The following SRD5A2 variants were observed in gnomAD, a reference collection of about 807,000 sequenced individuals.
The protein encoded by SRD5A2 is steroid 5 alpha-reductase 2, also known as 3-oxo-5-alpha-steroid 4-dehydrogenase 2.
A neutral mutation model predicts 27.4 loss-of-function variants in SRD5A2; 30 were observed. That is an observed-to-expected ratio of 1.10 (90% confidence interval 0.82 to 1.49). The LOEUF is 1.49. Among genes scored for constraint, SRD5A2 ranks in the 40% most tolerant of loss-of-function variants. The pLI is 0.00. For missense variants in SRD5A2, 348 were observed against 323.4 expected, an observed-to-expected ratio of 1.08 and a Z score of -0.58; for synonymous variants, 141 against 133.6, an observed-to-expected ratio of 1.06 and a Z score of -0.38.
At chr2:31,659,718 G>A in the SRD5A2 span, among the ~76,000 whole-genome samples, 1 of 152,016 alleles carries the variant, frequency 6.6e-6, no homozygotes, top group African/African-American at 2.4e-5. Context: ...CCACATTCAT[G>A]GATAGGAAGA....
rs1665695640 is a variant in SRD5A2, at chr2:31,523,166, C to T, written c.*3030G>A. Reference sequence around the variant, plus strand: ...AAACCTTTTTTCCATGCTGAACACACATGTTGTCTTGACTACACCAATGAG... The same window carrying T: ...AAACCTTTTTTCCATGCTGAACACATATGTTGTCTTGACTACACCAATGAG... On this transcript the variant is annotated 3_prime_UTR_variant, in exon 5 of 5. Coordinates refer to ENST00000622030, the MANE Select transcript of SRD5A2 (RefSeq NM_000348.4). 4 of 215,968 alleles carry T rather than the reference C, an allele frequency of 1.9e-5. No individual in the cohort carries two copies. Among genetic ancestry groups the T allele is most frequent in the Non-Finnish European group, 3.7e-5 (4 of 107,194 alleles). 13.4% of individuals were successfully genotyped at this position (215,968 alleles called of 1,614,324 possible).
the SRD5A2 span, among the ~76,000 whole-genome samples, chr2:31,602,177 CA>C: frequency 6.6e-6 from 1 of 152,010 alleles, no homozygotes; most frequent in African/African-American, 2.4e-5. Context: ...TGTCTCAGCC[CA>C]AAAGCTTCTT....
intron 1 of SRD5A2, among the ~76,000 whole-genome samples, chr2:31,543,029 G>A (rs1666167803): frequency 6.6e-6 from 1 of 152,082 alleles, no homozygotes; most frequent in Non-Finnish European, 1.5e-5. Flanking sequence ...CAAAGGCAAA[G>A]AGAAAATCTT....
chr2:31,639,389 G>T, the SRD5A2 span, among the ~76,000 whole-genome samples: 1 of 152,066 alleles, frequency 6.6e-6, no homozygotes, highest in African/African-American at 2.4e-5. Flanking sequence ...CAAAAACAGT[G>T]ATGGAGTATT....
At chr2:31,567,318 C>T (rs1388164266) in intron 1 of SRD5A2, among the ~76,000 whole-genome samples, 1 of 152,152 alleles carries the variant, frequency 6.6e-6, no homozygotes, top group African/African-American at 2.4e-5. Context: ...GAACAATTCT[C>T]AGTGACACAG....
chr2:31,630,311 CAGAGAG>C, the SRD5A2 span, among the ~76,000 whole-genome samples: 57 of 147,638 alleles, frequency 3.9e-4, no homozygotes, highest in African/African-American at 1.4e-3. Flanking sequence ...GAGAGAGAGA[CAGAGAG>C]AGAGAGAGAA....
chr2:31,553,922 G>A (rs1321111053), intron 1 of SRD5A2, among the ~76,000 whole-genome samples: 1 of 152,120 alleles, frequency 6.6e-6, no homozygotes, highest in Non-Finnish European at 1.5e-5. Flanking sequence ...TAAAGGGTTT[G>A]GACAAAGGAG....
the SRD5A2 span, among the ~76,000 whole-genome samples, chr2:31,656,566 A>C: frequency 6.6e-6 from 1 of 152,072 alleles, no homozygotes; most frequent in Non-Finnish European, 1.5e-5. Flanking sequence ...ACGTTGGGGG[A>C]AAATAGCTGA....
chr2:31,602,893 T>C, the SRD5A2 span, among the ~76,000 whole-genome samples: 2 of 152,070 alleles, frequency 1.3e-5, no homozygotes, highest in Admixed American at 6.6e-5. Flanking sequence ...ACCCCTTCCT[T>C]ACATCTGATA....
chr2:31,570,861 T>C (rs751224193), intron 1 of SRD5A2, among the ~76,000 whole-genome samples: 3 of 152,122 alleles, frequency 2.0e-5, no homozygotes, highest in Non-Finnish European at 2.9e-5. Context: ...AAAACACTGC[T>C]GAAAGAAATC....
chr2:31,627,317 T>C, the SRD5A2 span, among the ~76,000 whole-genome samples: 1 of 151,806 alleles, frequency 6.6e-6, no homozygotes, highest in South Asian at 2.1e-4. Context: ...AATGTCCCCT[T>C]TGTTGTTTCT....
the SRD5A2 span, among the ~76,000 whole-genome samples, chr2:31,648,691 G>A: frequency 6.6e-6 from 1 of 152,180 alleles, no homozygotes; most frequent in Admixed American, 6.5e-5. Flanking sequence ...CCAAACTGCT[G>A]GATGCTTTAT....
At chr2:31,632,078 A>G in the SRD5A2 span, among the ~76,000 whole-genome samples, 3 of 152,108 alleles carry the variant, frequency 2.0e-5, no homozygotes, top group Non-Finnish European at 4.4e-5. Flanking sequence ...ATCTTAAAGG[A>G]TAAGTTTATC....
chr2:31,554,924 CGTGTGTGTGTGTGTGTGTGT>C (rs59697517), intron 1 of SRD5A2, among the ~76,000 whole-genome samples: 2 of 132,202 alleles, frequency 1.5e-5, no homozygotes, highest in South Asian at 2.6e-4. Context: ...CTATCCTGAT[CGTGTGTGTGTGTGTGTGTGT>C]GTGTGTGTGT....
the SRD5A2 span, among the ~76,000 whole-genome samples, chr2:31,615,507 G>A: frequency 6.6e-6 from 1 of 152,162 alleles, no homozygotes; most frequent in African/African-American, 2.4e-5. Flanking sequence ...TTGAACTTGA[G>A]GGAGATTATT....
chr2:31,534,526 T>C (rs1665985285), intron 1 of SRD5A2, among the ~76,000 whole-genome samples: 1 of 152,238 alleles, frequency 6.6e-6, no homozygotes, highest in Non-Finnish European at 1.5e-5. Flanking sequence ...CAATTGGATC[T>C]TGAAGCTTTG....
At chr2:31,639,565 G>C in the SRD5A2 span, among the ~76,000 whole-genome samples, 1 of 151,922 alleles carries the variant, frequency 6.6e-6, no homozygotes. Context: ...TGTTTGTCTA[G>C]GAAAGAGTTT....
chr2:31,607,311 A>G, the SRD5A2 span, among the ~76,000 whole-genome samples: 1 of 152,050 alleles, frequency 6.6e-6, no homozygotes, highest in African/African-American at 2.4e-5. Context: ...TAAGCAACAA[A>G]GAGAAAAACA....
chr2:31,607,866 G>A, the SRD5A2 span, among the ~76,000 whole-genome samples: 6 of 152,036 alleles, frequency 3.9e-5, no homozygotes, highest in African/African-American at 1.4e-4. Context: ...GTGGAGATTT[G>A]GGGAGGTAAT....
Sources: allele counts gnomAD v4.1 joint callset (sites outside exome capture counted in the v4.1 genomes callset), GRCh38; gene constraint gnomAD v4.1.1; transcripts MANE v1.5; gene names NCBI Gene and HGNC (gene_info 2026-07-23, HGNC 2026-07-21).